EEPD1: variants seen among roughly 807,000 people sequenced by gnomAD.
EEPD1 encodes the protein endonuclease/exonuclease/phosphatase family domain containing 1.
A neutral mutation model predicts 46.3 loss-of-function variants in EEPD1; 17 were observed. That is an observed-to-expected ratio of 0.37 (90% CI 0.25 to 0.55). The LOEUF (loss-of-function observed/expected upper bound fraction) is 0.55, where lower values mean the gene tolerates loss of function less well. Among genes scored for constraint, EEPD1 ranks in the 20% least tolerant of loss-of-function variants. EEPD1 has a pLI of 0.83. For missense variants in EEPD1, 673 were observed against 745.6 expected (o/e 0.90, Z 1.13); for synonymous variants, 313 against 315.6 (o/e 0.99, Z 0.09).
At chr7:36,258,357 C>T (rs1353316114) in intron 3 of EEPD1, among the ~76,000 whole-genome samples, 1 of 152,218 alleles carries the variant, frequency 6.6e-6, no homozygotes, top group African/African-American at 2.4e-5. Context: ...GAGCGCTGTG[C>T]TGGGAGATCC....
At chr7:36,258,643 C>G (rs1412132649) in intron 3 of EEPD1, among the ~76,000 whole-genome samples, 1 of 152,108 alleles carries the variant, frequency 6.6e-6, no homozygotes, top group East Asian at 1.9e-4. Flanking sequence ...AAAGCCTACT[C>G]AAGCCTCAGT....
chr7:36,202,033 C>T (rs142570470), intron 2 of EEPD1, among the ~76,000 whole-genome samples: 252 of 152,330 alleles, frequency 1.7e-3, no homozygotes, highest in Middle Eastern at 3.4e-3. Flanking sequence ...CACCCACAGA[C>T]TCAAGACTGC....
At chr7:36,259,314 A>G (rs571922027) in intron 3 of EEPD1, among the ~76,000 whole-genome samples, 7 of 152,202 alleles carry the variant, frequency 4.6e-5, no homozygotes, top group South Asian at 4.2e-4. Flanking sequence ...CTCCCCATAT[A>G]TATCTTAACT....
At chr7:36,276,994 A>C (rs1787191644) in intron 3 of EEPD1, among the ~76,000 whole-genome samples, 1 of 152,230 alleles carries the variant, frequency 6.6e-6, no homozygotes, top group African/African-American at 2.4e-5. Context: ...TTTACGTAAG[A>C]GTATTATTTC....
At chr7:36,221,115 A>G (rs2540678) in intron 2 of EEPD1, among the ~76,000 whole-genome samples, 107,892 of 152,196 alleles carry the variant, frequency 0.71, 39,309 homozygotes, top group Non-Finnish European at 0.79. Flanking sequence ...AGCCAACTAC[A>G]CTGAATTTGT....
Position 36,298,344 on chromosome 7 carries a change from G to A in EEPD1, c.1511-663G>A, listed in dbSNP as rs549574378. Among the ~76,000 whole-genome samples, 23 of 152,260 alleles carry A rather than the reference G, an allele frequency of 1.5e-4. No homozygotes were observed. The East Asian group carries it at 4.4e-3, about 29-fold the overall frequency. Reference sequence around the variant, plus strand: ...AAGTTGCTGAGCTCAGGGAGGAGTTGCCCCCGCTACAGAATGGTCAGCAGT... The same window carrying A: ...AAGTTGCTGAGCTCAGGGAGGAGTTACCCCCGCTACAGAATGGTCAGCAGT... On this transcript the variant is annotated intron_variant, in intron 7 of 7. Coordinates refer to ENST00000242108, the MANE Select transcript of EEPD1 (RefSeq NM_030636.3).
chr7:36,172,862 G>A (rs1177081045), intron 2 of EEPD1, among the ~76,000 whole-genome samples: 1 of 150,432 alleles, frequency 6.6e-6, no homozygotes. Context: ...AGAAGTTCTG[G>A]AGGCTCAGAC....
chr7:36,213,308 G>A (rs1785968139), intron 2 of EEPD1, among the ~76,000 whole-genome samples: 1 of 152,172 alleles, frequency 6.6e-6, no homozygotes, highest in African/African-American at 2.4e-5. Context: ...GGGAATGGGG[G>A]CGTTCAAGAA....
At chr7:36,239,817 G>T (rs1786525572) in intron 3 of EEPD1, among the ~76,000 whole-genome samples, 1 of 152,154 alleles carries the variant, frequency 6.6e-6, no homozygotes, top group South Asian at 2.1e-4. Flanking sequence ...CTGATACCAA[G>T]CTCTCAGACC....
intron 2 of EEPD1, among the ~76,000 whole-genome samples, chr7:36,232,399 T>A: frequency 6.6e-6 from 1 of 151,618 alleles, no homozygotes; most frequent in Non-Finnish European, 1.5e-5. Context: ...AGAGACGGGG[T>A]TTCACTGTGT....
intron 3 of EEPD1, 173 bp from the exon 4 acceptor site, chr7:36,280,942 T>C: frequency 3.7e-6 from 2 of 539,140 alleles, no homozygotes; most frequent in Non-Finnish European, 6.6e-6. Context: ...GGTGCTTGTT[T>C]AGTCATCTGG....
chr7:36,271,826 ATT>A (rs1787107919), intron 3 of EEPD1, among the ~76,000 whole-genome samples: 1 of 50,084 alleles, frequency 2.0e-5, no homozygotes, highest in Non-Finnish European at 4.9e-5. Flanking sequence ...ATTCTATTCT[ATT>A]CTATTCTATT....
intron 2 of EEPD1, among the ~76,000 whole-genome samples, chr7:36,201,154 A>G (rs190076774): frequency 1.9e-4 from 29 of 152,312 alleles, no homozygotes; most frequent in African/African-American, 6.0e-4. Context: ...GTACTCTTAA[A>G]ATATTCTGAA....
intron 2 of EEPD1, among the ~76,000 whole-genome samples, chr7:36,196,871 C>T (rs888539832): frequency 3.3e-5 from 5 of 151,808 alleles, no homozygotes; most frequent in African/African-American, 9.7e-5. Context: ...GCCTGGCCGC[C>T]CATCGTCTGG....
chr7:36,276,587 G>C (rs74591084), intron 3 of EEPD1, among the ~76,000 whole-genome samples: 2,259 of 152,274 alleles, frequency 0.015, 59 homozygotes, highest in African/African-American at 0.052. Flanking sequence ...GGTCCCGGGA[G>C]AGCCAAAATA....
chr7:36,231,247 C>G (rs373905781), intron 2 of EEPD1: 1 of 152,430 alleles, frequency 6.6e-6, no homozygotes, highest in African/African-American at 2.4e-5. Flanking sequence ...CCCCATCACC[C>G]TCTCTAATCC....
intron 2 of EEPD1, among the ~76,000 whole-genome samples, chr7:36,197,097 G>A (rs568894878): frequency 0.014 from 2,097 of 146,826 alleles, 64 homozygotes; most frequent in African/African-American, 0.05. Flanking sequence ...GTCTCTGCCC[G>A]GCCGCCCCAT....
intron 3 of EEPD1, among the ~76,000 whole-genome samples, chr7:36,271,502 G>T (rs547679217): frequency 6.6e-6 from 1 of 152,060 alleles, no homozygotes; most frequent in South Asian, 2.1e-4. Context: ...TGTAGATTTT[G>T]GATATTAGCC....
At chr7:36,185,637 C>T (rs1299615522) in intron 2 of EEPD1, among the ~76,000 whole-genome samples, 1 of 151,742 alleles carries the variant, frequency 6.6e-6, no homozygotes, top group Non-Finnish European at 1.5e-5. Flanking sequence ...GGCCCTAATG[C>T]CCATCATGTT....
Sources: gnomAD v4.1 joint callset for allele counts (sites outside exome capture counted in the v4.1 genomes callset) on GRCh38, gnomAD v4.1.1 for gene constraint, MANE v1.5 for transcripts, NCBI Gene and HGNC (gene_info 2026-07-23, HGNC 2026-07-21) for gene names.